RFTN2: variants seen among roughly 807,000 people sequenced by gnomAD.
The protein encoded by RFTN2 is raftlin family member 2.
Under a neutral mutation model 52.7 loss-of-function variants are expected in RFTN2, and 34 were observed. The ratio of observed to expected loss-of-function variants is 0.64; its 90% CI spans 0.49 to 0.86. The LOEUF (loss-of-function observed/expected upper bound fraction) is 0.86, where lower values mean the gene tolerates loss of function less well. RFTN2 is among the 40% of genes least tolerant of loss of function. RFTN2 has a pLI of 0.00. For synonymous variants in RFTN2, 203 were observed against 217.7 expected, an observed-to-expected ratio of 0.93 and a Z score of 0.59; for missense variants, 536 against 600.1, an observed-to-expected ratio of 0.89 and a Z score of 1.12.
At chr2:197,665,969 G>T (rs1296819066) in intron 1 of RFTN2, among the ~76,000 whole-genome samples, 1 of 152,014 alleles carries the variant, frequency 6.6e-6, no homozygotes, top group Non-Finnish European at 1.5e-5. Flanking sequence ...TTTTCATGAT[G>T]GTAAATGTTG....
At chr2:197,619,092 G>A (rs1051565667) in intron 5 of RFTN2, among the ~76,000 whole-genome samples, 14 of 151,772 alleles carry the variant, frequency 9.2e-5, no homozygotes, top group Admixed American at 8.5e-4. Context: ...TGGGAAGTGA[G>A]GAGCCCCTCT....
chr2:197,665,108 C>T (rs1426555480), intron 1 of RFTN2, among the ~76,000 whole-genome samples: 2 of 152,046 alleles, frequency 1.3e-5, no homozygotes, highest in African/African-American at 2.4e-5. Flanking sequence ...CGCAATATCC[C>T]GTGTAACAAA....
intron 8 of RFTN2, among the ~76,000 whole-genome samples, chr2:197,594,009 ATATTTC>A (rs1193710761): frequency 7.0e-6 from 1 of 142,210 alleles, no homozygotes; most frequent in Non-Finnish European, 1.5e-5. Flanking sequence ...TTTAGGCAGA[ATATTTC>A]TTTTTTTTTT....
At chr2:197,589,283 C>T (rs1388645368) in intron 8 of RFTN2, among the ~76,000 whole-genome samples, 3 of 149,792 alleles carry the variant, frequency 2.0e-5, no homozygotes, top group Non-Finnish European at 4.4e-5. Context: ...CCTTTGCCTG[C>T]CGCCATCCAC....
chr2:197,610,787 A>C (rs2088044445), intron 7 of RFTN2, among the ~76,000 whole-genome samples: 1 of 152,184 alleles, frequency 6.6e-6, no homozygotes, highest in Admixed American at 6.5e-5. Context: ...GATATGTTCT[A>C]TCAATACCTA....
Position 197,572,069 on chromosome 2 carries a change from C to G in RFTN2, c.1445G>C (p.Arg482Pro). 1 of 1,614,208 alleles carries G rather than the reference C, an allele frequency of 6.2e-7. No individual in the cohort carries two copies. The highest frequency in any genetic ancestry group is 8.5e-7 in the Non-Finnish European group (1 of 1,180,046). Residue 482 changes from arginine (R) to proline (P), a missense_variant, in exon 9 of 9, where the codon CGG (arginine) becomes CCG (proline). Coordinates refer to ENST00000295049, the MANE Select transcript of RFTN2 (RefSeq NM_144629.3). ...SGFSSSDNVL[R>P]ELDDGQFDQE... Reference sequence around the variant, plus strand: ...ATCAAACTGTCCGTCGTCTAATTCCCGGAGGACGTTGTCACTGCTGCTGAA... The same window carrying G: ...ATCAAACTGTCCGTCGTCTAATTCCGGGAGGACGTTGTCACTGCTGCTGAA...
At chr2:197,655,739 G>A (rs767481154) in intron 1 of RFTN2, among the ~76,000 whole-genome samples, 9 of 152,074 alleles carry the variant, frequency 5.9e-5, no homozygotes, top group East Asian at 1.9e-4. Flanking sequence ...CAGGAGAATC[G>A]CTTGAACCTA....
chr2:197,638,649 T>G (rs1244750665), intron 3 of RFTN2, among the ~76,000 whole-genome samples: 10 of 149,058 alleles, frequency 6.7e-5, no homozygotes, highest in South Asian at 2.2e-4. Context: ...ACGTGAGATG[T>G]GTTTCCTGAA....
At chr2:197,627,413 G>A (rs989349103) in intron 5 of RFTN2, among the ~76,000 whole-genome samples, 4 of 152,188 alleles carry the variant, frequency 2.6e-5, no homozygotes, top group African/African-American at 9.6e-5. Flanking sequence ...CTGACTGCCC[G>A]ATGCCATACG....
At chr2:197,588,212 T>C (rs778665699) in intron 8 of RFTN2, among the ~76,000 whole-genome samples, 2 of 152,236 alleles carry the variant, frequency 1.3e-5, no homozygotes, top group Non-Finnish European at 2.9e-5. Context: ...TCCTATTTTT[T>C]TCTCTCTCTA....
chr2:197,670,606 T>C (rs150185823), intron 1 of RFTN2, among the ~76,000 whole-genome samples: 90 of 152,218 alleles, frequency 5.9e-4, no homozygotes, highest in African/African-American at 2.1e-3. Flanking sequence ...GCTTGGGAAG[T>C]CATGTCTACA....
chr2:197,650,822 T>G (rs953068648), intron 1 of RFTN2, among the ~76,000 whole-genome samples: 1 of 152,236 alleles, frequency 6.6e-6, no homozygotes, highest in African/African-American at 2.4e-5. Context: ...GTGGGATTGC[T>G]GGATCATATG....
intron 1 of RFTN2, among the ~76,000 whole-genome samples, chr2:197,665,365 T>G (rs1472909494): frequency 6.6e-6 from 1 of 152,146 alleles, no homozygotes; most frequent in African/African-American, 2.4e-5. Context: ...TGGGTTGAAG[T>G]ATTCTACTAA....
At chr2:197,660,270 G>A (rs1450231185) in intron 1 of RFTN2, among the ~76,000 whole-genome samples, 2 of 152,116 alleles carry the variant, frequency 1.3e-5, no homozygotes, top group African/African-American at 4.8e-5. Context: ...GCAATTTAAT[G>A]TATGGATATT....
At chr2:197,593,244 A>G (rs1383268752) in intron 8 of RFTN2, among the ~76,000 whole-genome samples, 2 of 152,162 alleles carry the variant, frequency 1.3e-5, no homozygotes, top group Non-Finnish European at 2.9e-5. Context: ...TAGTATCTAA[A>G]GCTAAACAAA....
chr2:197,590,991 C>T, intron 8 of RFTN2, among the ~76,000 whole-genome samples: 1 of 152,088 alleles, frequency 6.6e-6, no homozygotes, highest in East Asian at 1.9e-4. Flanking sequence ...CTTTTATTCT[C>T]TTATCTGGCC....
intron 1 of RFTN2, among the ~76,000 whole-genome samples, chr2:197,653,599 A>C (rs2088853379): frequency 6.6e-6 from 1 of 152,078 alleles, no homozygotes; most frequent in African/African-American, 2.4e-5. Flanking sequence ...TTTTTGTTCA[A>C]CTTTACTAGA....
rs2087266586 is a variant in RFTN2 at position 197,568,310 on chromosome 2, G to C, written c.*3698C>G. 6.6e-6 allele frequency: 1 copy of C among 152,138 alleles called. No individual in the cohort carries two copies. Among genetic ancestry groups the C allele is most frequent in the Admixed American group, 6.5e-5 (1 of 15,270 alleles). 9.4% of individuals were successfully genotyped at this position (152,138 alleles called of 1,614,324 possible). A position where few individuals can be genotyped will look rare whatever the true frequency, so the allele number is the denominator to read the frequency against. ...ACAAAAATTTGAATGCTCAAAACAT[G>C]TTTAGAACCCATTTCTTTTGCAGTC... On this transcript the variant is annotated 3_prime_UTR_variant, in exon 9 of 9. Coordinates refer to ENST00000295049, the MANE Select transcript of RFTN2 (RefSeq NM_144629.3).
intron 7 of RFTN2, among the ~76,000 whole-genome samples, chr2:197,607,218 A>T (rs2087976418): frequency 6.6e-6 from 1 of 152,160 alleles, no homozygotes; most frequent in African/African-American, 2.4e-5. Context: ...TTCTTAGCAA[A>T]CTATTGCAAG....
Sources: allele counts gnomAD v4.1 joint callset (sites outside exome capture counted in the v4.1 genomes callset), GRCh38; gene constraint gnomAD v4.1.1; transcripts MANE v1.5; gene names NCBI Gene and HGNC (gene_info 2026-07-23, HGNC 2026-07-21).